The following PDE1A variants were observed in gnomAD, a reference collection of about 807,000 sequenced individuals.
The protein encoded by PDE1A is phosphodiesterase 1A, also known as dual specificity calcium/calmodulin-dependent 3',5'-cyclic nucleotide phosphodiesterase 1A.
A neutral mutation model predicts 61.7 loss-of-function variants in PDE1A; 35 were observed. That is an observed-to-expected ratio of 0.57 (90% CI 0.43 to 0.75). PDE1A has a LOEUF of 0.75. Among genes scored for constraint, PDE1A ranks in the 30% least tolerant of loss-of-function variants. PDE1A has a pLI of 0.00. For synonymous variants in PDE1A, 232 were observed against 213.2 expected (o/e 1.09, Z -0.77); for missense variants, 597 against 630.6 (o/e 0.95, Z 0.57).
At chr2:182,450,928 C>A (rs998947935) in intron 2 of PDE1A, among the ~76,000 whole-genome samples, 1 of 152,092 alleles carries the variant, frequency 6.6e-6, no homozygotes, top group African/African-American at 2.4e-5. Context: ...TCACCATATA[C>A]AAGTTCTTTC....
chr2:182,516,763 A>AAGAG, intron 2 of PDE1A, among the ~76,000 whole-genome samples: 2 of 135,278 alleles, frequency 1.5e-5, no homozygotes, highest in Admixed American at 7.4e-5. Flanking sequence ...AAGAAAGAAA[A>AAGAG]AGAAAGAAAG....
At chr2:182,224,226 T>C (rs1272606462) in intron 6 of PDE1A, among the ~76,000 whole-genome samples, 3 of 151,938 alleles carry the variant, frequency 2.0e-5, no homozygotes, top group Non-Finnish European at 4.4e-5. Flanking sequence ...TTCTATGATT[T>C]AAAAGGTGAA....
chr2:182,467,270 G>A (rs964797931), intron 2 of PDE1A, among the ~76,000 whole-genome samples: 3 of 151,734 alleles, frequency 2.0e-5, no homozygotes, highest in Admixed American at 2.0e-4. Context: ...GAAATTGCAG[G>A]ATATGAAGAA....
intron 2 of PDE1A, among the ~76,000 whole-genome samples, chr2:182,245,829 C>T (rs1468648326): frequency 6.6e-6 from 1 of 152,136 alleles, no homozygotes; most frequent in Non-Finnish European, 1.5e-5. Flanking sequence ...TTTTTCAACT[C>T]ATTTGAGTAA....
At chr2:182,509,377 T>C (rs1689641455) in intron 2 of PDE1A, among the ~76,000 whole-genome samples, 1 of 152,218 alleles carries the variant, frequency 6.6e-6, no homozygotes, top group African/African-American at 2.4e-5. Context: ...CCATTTGGTA[T>C]TCAGCTTTGA....
In PDE1A at chr2:182,334,952, A is replaced by G. The variant is rs532616066; in HGVS notation, c.54-70538T>C. Reference sequence around the variant, plus strand: ...GTCTCAGGATACAAAATCAATGTGCAAAATTCACAAGCATTCCTATACACA... The same window carrying G: ...GTCTCAGGATACAAAATCAATGTGCGAAATTCACAAGCATTCCTATACACA... On this transcript the variant is annotated intron_variant, in intron 1 of 13. Coordinates refer to ENST00000351439, the Ensembl canonical transcript of PDE1A. Among the ~76,000 whole-genome samples, 5 of 152,346 alleles carry G rather than the reference A, an allele frequency of 3.3e-5. No homozygotes were observed. The East Asian group carries it at 9.6e-4, about 29-fold the overall frequency.
At chr2:182,619,607 A>G in the PDE1A span, among the ~76,000 whole-genome samples, 1 of 152,198 alleles carries the variant, frequency 6.6e-6, no homozygotes, top group African/African-American at 2.4e-5. Context: ...CTAAGACACT[A>G]GCAGATTTTA....
At position 182,168,341 on chromosome 2, in the gene PDE1A, AAAG is replaced by A. The variant is rs374077244; in HGVS notation, c.1517-54_1517-52del. On this transcript the variant is annotated intron_variant, in intron 13 of 13. Coordinates refer to ENST00000351439, the Ensembl canonical transcript of PDE1A. Reference sequence around the variant, plus strand: ...TTTAATAATTTAGAGAAAATGCTGTAAAGAAGTTATGAAAAAAAGTAATTCTCA... The same window carrying A: ...TTTAATAATTTAGAGAAAATGCTGTAAAGTTATGAAAAAAAGTAATTCTCA... 1.8e-4 allele frequency: 267 copies of A among 1,501,596 alleles called. 3 individuals carry two copies. The African/African-American group carries it at 3.3e-3, about 19-fold the overall frequency. 93.0% of individuals were successfully genotyped at this position (1,501,596 alleles called of 1,614,324 possible). A position where few individuals can be genotyped will look rare whatever the true frequency, so the allele number is the denominator to read the frequency against.
chr2:182,366,941 T>C (rs1186804867), intron 1 of PDE1A, among the ~76,000 whole-genome samples: 2 of 152,042 alleles, frequency 1.3e-5, no homozygotes, highest in African/African-American at 4.8e-5. Context: ...TTGTGGGCTT[T>C]ATTACTATGA....
the PDE1A span, among the ~76,000 whole-genome samples, chr2:182,619,224 T>C: frequency 6.6e-6 from 1 of 152,148 alleles, no homozygotes; most frequent in East Asian, 1.9e-4. Context: ...GTTAGCTTTA[T>C]TAATATGCTT....
intron 1 of PDE1A, among the ~76,000 whole-genome samples, chr2:182,391,683 T>C (rs1281170486): frequency 6.6e-6 from 1 of 152,102 alleles, no homozygotes; most frequent in African/African-American, 2.4e-5. Flanking sequence ...GATCCTGAGG[T>C]GGCAGGGGCC....
intron 1 of PDE1A, among the ~76,000 whole-genome samples, chr2:182,331,997 G>A (rs530492311): frequency 1.3e-5 from 2 of 152,222 alleles, no homozygotes; most frequent in Non-Finnish European, 1.5e-5. Context: ...ATCAAACGTA[G>A]GTTTGGTCTT....
At chr2:182,640,337 G>A in the PDE1A span, among the ~76,000 whole-genome samples, 10 of 152,238 alleles carry the variant, frequency 6.6e-5, no homozygotes, top group East Asian at 1.9e-3. Flanking sequence ...ATAAAAGTGG[G>A]GATAACAGTG....
the PDE1A span, among the ~76,000 whole-genome samples, chr2:182,599,207 C>T: frequency 1.3e-5 from 2 of 152,192 alleles, no homozygotes; most frequent in Non-Finnish European, 2.9e-5. Context: ...TGGCTTTTCC[C>T]TGCTATGGGT....
At chr2:182,506,975 A>C (rs979074812) in intron 2 of PDE1A, among the ~76,000 whole-genome samples, 4 of 152,230 alleles carry the variant, frequency 2.6e-5, no homozygotes, top group Admixed American at 2.0e-4. Context: ...TTCAGTACAC[A>C]GCTGCTGAAG....
chr2:182,361,856 C>T (rs1227778514), intron 1 of PDE1A, among the ~76,000 whole-genome samples: 1 of 151,960 alleles, frequency 6.6e-6, no homozygotes, highest in Non-Finnish European at 1.5e-5. Flanking sequence ...ATTCCCTTGA[C>T]TTTTCTAGAT....
chr2:182,321,068 A>T, intron 1 of PDE1A, among the ~76,000 whole-genome samples: 1 of 152,210 alleles, frequency 6.6e-6, no homozygotes, highest in Non-Finnish European at 1.5e-5. Flanking sequence ...AAAGCAAAAA[A>T]TAGCATTTAG....
intron 2 of PDE1A, among the ~76,000 whole-genome samples, chr2:182,489,172 A>T (rs981568613): frequency 1.3e-5 from 2 of 152,210 alleles, no homozygotes; most frequent in Non-Finnish European, 2.9e-5. Context: ...ACAAGAGTGT[A>T]CCAGGAAGAG....
At chr2:182,555,171 A>G in the PDE1A span, among the ~76,000 whole-genome samples, 19 of 152,358 alleles carry the variant, frequency 1.2e-4, no homozygotes, top group African/African-American at 4.6e-4. Context: ...CTTTCTGTTG[A>G]CAGAGGCACT....
Sources: allele counts gnomAD v4.1 joint callset (sites outside exome capture counted in the v4.1 genomes callset), GRCh38; gene constraint gnomAD v4.1.1; transcripts MANE v1.5; gene names NCBI Gene and HGNC (gene_info 2026-07-23, HGNC 2026-07-21).